CACNA1D: variants seen among roughly 807,000 people sequenced by gnomAD.
The protein encoded by CACNA1D is voltage-dependent L-type calcium channel subunit alpha-1D.
CACNA1D carries 55 observed loss-of-function variants against 257.1 expected under a neutral mutation model. The observed-to-expected ratio is 0.21, with a 90% CI of 0.17 to 0.27. The LOEUF is 0.27. CACNA1D is among the 10% of genes least tolerant of loss of function. The pLI is 1.00. For missense variants in CACNA1D, 1,876 were observed against 2,784.0 expected (o/e 0.67, Z 7.34); for synonymous variants, 980 against 1,014.9 (o/e 0.97, Z 0.65).
At chr3:53,781,407 G>A (rs2095424638) in intron 38 of CACNA1D, among the ~76,000 whole-genome samples, 159 bp from the exon 39 acceptor site, 1 of 152,210 alleles carries the variant, frequency 6.6e-6, no homozygotes, top group Non-Finnish European at 1.5e-5. Context: ...AATATAGGAA[G>A]TGTGTTTGCC....
intron 8 of CACNA1D, among the ~76,000 whole-genome samples, chr3:53,678,796 C>T (rs895270715): frequency 2.4e-4 from 36 of 151,990 alleles, no homozygotes; most frequent in African/African-American, 8.2e-4. Flanking sequence ...CAGGTTTGGT[C>T]CATTTAAATT....
intron 8 of CACNA1D, among the ~76,000 whole-genome samples, chr3:53,697,178 G>A (rs2094580339): frequency 1.3e-5 from 2 of 152,196 alleles, no homozygotes; most frequent in African/African-American, 4.8e-5. Context: ...AACACAATAA[G>A]GGAAAATGGC....
chr3:53,605,553 T>C (rs1029932188), intron 3 of CACNA1D, among the ~76,000 whole-genome samples: 2 of 152,170 alleles, frequency 1.3e-5, no homozygotes, highest in African/African-American at 2.4e-5. Context: ...AGAAGCCAGA[T>C]AGGTAACAAA....
chr3:53,572,814 G>T (rs115117100), intron 3 of CACNA1D, among the ~76,000 whole-genome samples: 160 of 152,268 alleles, frequency 1.1e-3, no homozygotes, highest in African/African-American at 3.7e-3. Context: ...ACAGTCTCCA[G>T]AGTGGCCTTT....
intron 29 of CACNA1D, among the ~76,000 whole-genome samples, chr3:53,758,311 C>T (rs1347447694): frequency 6.6e-6 from 1 of 152,202 alleles, no homozygotes; most frequent in Non-Finnish European, 1.5e-5. Context: ...GGTAAGAGAT[C>T]TGGCTGCCAT....
chr3:53,745,528 A>G, intron 23 of CACNA1D, 96 bp from the exon 24 acceptor site: 1 of 775,790 alleles, frequency 1.3e-6, no homozygotes, highest in Non-Finnish European at 2.3e-6. Flanking sequence ...GGTGTGAGCC[A>G]CTGTGCCTGG....
intron 30 of CACNA1D, among the ~76,000 whole-genome samples, chr3:53,767,496 G>GTGATATCAGTGAGC (rs1416697890): frequency 8.6e-5 from 13 of 150,946 alleles, no homozygotes; most frequent in African/African-American, 2.7e-4. Flanking sequence ...TATCCTGTAG[G>GTGATATCAGTGAGC]CAGAGGTTGC....
rs536534682 is a variant in CACNA1D, at chr3:53,507,728, T to C, written c.483+6008T>C. Among the ~76,000 whole-genome samples, 20 of 152,288 alleles carry C rather than the reference T, an allele frequency of 1.3e-4. No homozygotes were observed. In the East Asian group the frequency reaches 2.7e-3, roughly 21 times the overall value. On this transcript the variant is annotated intron_variant, in intron 3 of 47. Coordinates refer to ENST00000350061, the MANE Select transcript of CACNA1D (RefSeq NM_001128840.3). ...GGTTTGTTTTTTTACAATGTGAATA[T>C]CATTATTTTATAGTCATACCTTATA...
Position 53,772,874 on chromosome 3 carries a change from C to A in CACNA1D, c.4086C>A (p.Phe1362Leu). 1 of 1,613,924 alleles carries A rather than the reference C, an allele frequency of 6.2e-7. No homozygotes were observed. Among genetic ancestry groups the A allele is most frequent in the Non-Finnish European group, 8.5e-7 (1 of 1,179,962 alleles). ...CCCTCCTCATAGCCATGCTGTTCTT[C>A]ATCTATGCGGTCATTGGCATGCAGG... ...YVALLIAMLFFIYAVIGMQMF... is the reference protein window; with the variant it reads ...YVALLIAMLFLIYAVIGMQMF... Residue 1362 changes from phenylalanine to leucine, a missense_variant, in exon 33 of 48, where the codon TTC becomes TTA. This residue lies in a region of CACNA1D where 204 missense variants were observed against 309.4 expected (regional missense o/e 0.66). Transcript: ENST00000350061.
rs71074934 is a variant in CACNA1D at position 53,810,758 on chromosome 3, C to CAAAAA, written c.6193-331_6193-327dup. Among the ~76,000 whole-genome samples the CAAAAA allele has an allele frequency of 2.7e-3, 187 of 68,284 alleles. 12 individuals carry two copies. The highest frequency in any genetic ancestry group is 8.1e-3 in the African/African-American group (96 of 11,858). The allele number at this position is 68,284 out of a possible 152,430, so 44.8% of individuals were successfully genotyped here. A position where few individuals can be genotyped will look rare whatever the true frequency, so the allele number is the denominator to read the frequency against. ...GGGCCACAGAGCGAGACTCTTGTCT[C>CAAAAA]AAAAAAAAAAAAAAAAAAAAAAAAA... On this transcript the variant is annotated intron_variant, in intron 47 of 47. Transcript: ENST00000350061.
chr3:53,499,116 G>A (rs938821623), intron 2 of CACNA1D, among the ~76,000 whole-genome samples: 4 of 151,952 alleles, frequency 2.6e-5, no homozygotes, highest in Admixed American at 6.6e-5. Flanking sequence ...GCCTGATGCT[G>A]TTTCTCTTTG....
intron 3 of CACNA1D, among the ~76,000 whole-genome samples, chr3:53,514,472 C>A (rs981292750): frequency 2.0e-5 from 3 of 152,140 alleles, no homozygotes; most frequent in Non-Finnish European, 2.9e-5. Flanking sequence ...GGCATAGAAA[C>A]TTTCCAGGTT....
intron 3 of CACNA1D, among the ~76,000 whole-genome samples, chr3:53,620,713 G>A (rs544915974): frequency 2.0e-5 from 3 of 152,328 alleles, no homozygotes; most frequent in South Asian, 4.1e-4. Context: ...TCATAGATTT[G>A]TGTAAGAACT....
At position 53,651,366 on chromosome 3, in the gene CACNA1D, C is replaced by CTTTTTTTTTTTTTTTTTTTTTTTTTTT. The variant is rs779207160; in HGVS notation, c.623+470_623+471insTTTTTTTTTTTTTTTTTTTTTTTTTTT. Among the ~76,000 whole-genome samples the CTTTTTTTTTTTTTTTTTTTTTTTTTTT allele has an allele frequency of 1.5e-4, 12 of 81,832 alleles. 4 individuals are homozygous for CTTTTTTTTTTTTTTTTTTTTTTTTTTT. The highest frequency in any genetic ancestry group is 1.2e-3 in the East Asian group (3 of 2,538). 53.7% of individuals were successfully genotyped at this position (81,832 alleles called of 152,430 possible). A position where few individuals can be genotyped will look rare whatever the true frequency, so the allele number is the denominator to read the frequency against. On this transcript the variant is annotated intron_variant, in intron 4 of 47. Coordinates refer to ENST00000350061, the MANE Select transcript of CACNA1D (RefSeq NM_001128840.3). ...TCCCTTGAGCAAAGCTATTAATTTT[C>CTTTTTTTTTTTTTTTTTTTTTTTTTTT]TTTTTTTTTTTTTTTTTTTTTTGCT...
rs1219416804 is a variant in CACNA1D at position 53,776,903 on chromosome 3, A to G, written c.4534A>G (p.Ile1512Val). ...HLDVVTLLRR[I>V]QPPLGFGKLC... The stretch of plus-strand genomic sequence containing the variant: ...TGATGTGGTCACTCTGCTTCGACGC[A>G]TCCAGCCTCCCCTGGGGTTTGGGAA... The change falls in exon 37 of 48, where the codon ATC becomes GTC. Residue 1512 changes from isoleucine (I) to valine (V), a missense_variant. Transcript: ENST00000350061. The G allele has an allele frequency of 6.2e-7, 1 of 1,614,168 alleles. No homozygotes were observed. The highest frequency in any genetic ancestry group is 8.5e-7 in the Non-Finnish European group (1 of 1,180,026).
At chr3:53,518,308 C>G (rs2091422484) in intron 3 of CACNA1D, among the ~76,000 whole-genome samples, 2 of 152,178 alleles carry the variant, frequency 1.3e-5, no homozygotes, top group Admixed American at 6.5e-5. Context: ...GAGCAGGGAC[C>G]CAGTGTCCCA....
intron 3 of CACNA1D, among the ~76,000 whole-genome samples, chr3:53,599,922 A>G (rs1337714136): frequency 1.3e-5 from 2 of 152,246 alleles, no homozygotes; most frequent in Admixed American, 1.3e-4. Flanking sequence ...TGTTCAGACA[A>G]ACTAATCAGG....
At chr3:53,781,888 C>G in intron 39 of CACNA1D, 1 of 560,636 alleles carries the variant, frequency 1.8e-6, no homozygotes, top group Non-Finnish European at 3.2e-6. Flanking sequence ...AAAACCAAAA[C>G]TCACATGGCT....
intron 40 of CACNA1D, 139 bp downstream of exon 40, chr3:53,787,091 A>G (rs922336039): frequency 4.7e-6 from 4 of 848,124 alleles, no homozygotes; most frequent in East Asian, 2.7e-5. Flanking sequence ...CACTCCCCCA[A>G]ATGTGGACTA....
Sources: allele counts gnomAD v4.1 joint callset (sites outside exome capture counted in the v4.1 genomes callset), GRCh38; gene constraint gnomAD v4.1.1; regional missense constraint gnomAD v4.1.1; transcripts MANE v1.5; gene names NCBI Gene and HGNC (gene_info 2026-07-23, HGNC 2026-07-21).